The following ALS2CL variants were observed in gnomAD, a reference collection of about 807,000 sequenced individuals.
ALS2CL encodes ALS2 C-terminal like.
ALS2CL carries 112 observed loss-of-function variants against 127.9 expected under a neutral mutation model. The ratio of observed to expected loss-of-function variants is 0.88; its 90% CI spans 0.75 to 1.02. The LOEUF is 1.02. Among genes scored for constraint, ALS2CL ranks in the 50% least tolerant of loss-of-function variants. The probability of loss-of-function intolerance (pLI) is 0.00; values close to 1 mark genes in which losing one functional copy is unlikely to be tolerated. For missense variants in ALS2CL, 1,174 were observed against 1,236.7 expected, an observed-to-expected ratio of 0.95 and a Z score of 0.76; for synonymous variants, 519 against 527.6, an observed-to-expected ratio of 0.98 and a Z score of 0.22.
chr3:46,691,990 G>A (rs1419654417), intron 1 of ALS2CL, among the ~76,000 whole-genome samples: 1 of 152,162 alleles, frequency 6.6e-6, no homozygotes, highest in Admixed American at 6.5e-5. Context: ...GACTCCGGGG[G>A]TGAGTCCTCC....
At chr3:46,677,337 G>T in intron 16 of ALS2CL, 1 of 1,161,670 alleles carries the variant, frequency 8.6e-7, no homozygotes, top group Non-Finnish European at 1.1e-6. Context: ...GTCCAAGAGA[G>T]ACCAGTGTCC....
At chr3:46,677,908 A>G (rs914059552) in intron 16 of ALS2CL, among the ~76,000 whole-genome samples, 1 of 149,966 alleles carries the variant, frequency 6.7e-6, no homozygotes, top group Non-Finnish European at 1.5e-5. Context: ...ATGTCTACAT[A>G]TCCCTTTCTT....
intron 1 of ALS2CL, among the ~76,000 whole-genome samples, chr3:46,691,722 C>CT (rs1029410954): frequency 0.058 from 7,817 of 134,676 alleles, 261 homozygotes; most frequent in Middle Eastern, 0.087. Context: ...TCTTTCTATT[C>CT]TTTTTTTTTT....
At chr3:46,693,254 C>T (rs972815132) in intron 1 of ALS2CL, among the ~76,000 whole-genome samples, 1 of 152,384 alleles carries the variant, frequency 6.6e-6, no homozygotes, top group East Asian at 1.9e-4. Flanking sequence ...AGCTCCTGTT[C>T]CGGCCGCCAG....
At chr3:46,675,945 A>G in intron 19 of ALS2CL, 1 of 1,424,418 alleles carries the variant, frequency 7.0e-7, no homozygotes, top group Admixed American at 2.9e-5. Context: ...CTGGGACTGC[A>G]GGTGTGTTCC....
intron 10 of ALS2CL, among the ~76,000 whole-genome samples, 163 bp from the exon 11 acceptor site, chr3:46,682,257 C>T (rs1008836743): frequency 6.6e-6 from 1 of 152,216 alleles, no homozygotes; most frequent in African/African-American, 2.4e-5. Context: ...CAGAAAGCCC[C>T]TTTAGCCCTT....
intron 21 of ALS2CL, 67 bp downstream of exon 21, chr3:46,674,499 T>C: frequency 1.3e-6 from 2 of 1,553,342 alleles, no homozygotes; most frequent in South Asian, 1.2e-5. Context: ...CCCCACCTTT[T>C]GGCTGAAGAC....
Position 46,681,919 on chromosome 3 carries a change from G to C in ALS2CL, c.1175+110C>G. ...TGGACCGGATTGTCTCTAAGTTCCT[G>C]CTTGAGGTTTGGGAATTCAGGATGG... On this transcript the variant is annotated intron_variant, in intron 11 of 25. Transcript: ENST00000318962. The surrounding 1 kb of genome is among the most constrained non-coding windows in gnomAD (Gnocchi z 4.9). 7.5e-7 allele frequency: 1 copy of C among 1,336,744 alleles called. No homozygotes were observed. The highest frequency in any genetic ancestry group is 1.0e-6 in the Non-Finnish European group (1 of 957,344). The allele number at this position is 1,336,744 out of a possible 1,614,324, so 82.8% of individuals were successfully genotyped here.
intron 22 of ALS2CL, 144 bp downstream of exon 22, chr3:46,673,195 A>G (rs1233104643): frequency 1.2e-6 from 1 of 823,066 alleles, no homozygotes. Context: ...CTGGGAGGTC[A>G]GAATGACAGT....
At chr3:46,671,194 T>A (rs1318317740) in intron 25 of ALS2CL, 130 bp from the exon 26 acceptor site, 1 of 1,068,822 alleles carries the variant, frequency 9.4e-7, no homozygotes, top group Non-Finnish European at 1.4e-6. Flanking sequence ...AACTCAGCCC[T>A]CAGCCACAGT....
Position 46,686,888 on chromosome 3 carries a change from A to G in ALS2CL, c.534+95T>C. On this transcript the variant is annotated intron_variant, in intron 5 of 25. Transcript: ENST00000318962. The surrounding 1 kb of genome is among the most constrained non-coding windows in gnomAD (Gnocchi z 4.3). ...GCCGGCATGGCTGAGTCCTTCTTGT[A>G]CTAGGGTTCCTGAGTATAGGCTGAG... is the stretch of plus-strand genomic sequence containing the variant. The G allele has an allele frequency of 3.0e-6, 4 of 1,342,770 alleles. No homozygotes were observed. Among genetic ancestry groups the G allele is most frequent in the Non-Finnish European group, 3.9e-6 (4 of 1,023,388 alleles). The allele number at this position is 1,342,770 out of a possible 1,614,324, so 83.2% of individuals were successfully genotyped here. A position where few individuals can be genotyped will look rare whatever the true frequency, so the allele number is the denominator to read the frequency against.
At chr3:46,672,985 GA>G (rs1294100951) in intron 22 of ALS2CL, among the ~76,000 whole-genome samples, 1 of 152,120 alleles carries the variant, frequency 6.6e-6, no homozygotes, top group Admixed American at 6.6e-5. Context: ...TAACCCGGGC[GA>G]TAAAGTGAGA....
chr3:46,671,609 G>A (rs749620432), intron 24 of ALS2CL, 25 bp from the exon 25 acceptor site: 3 of 1,613,620 alleles, frequency 1.9e-6, no homozygotes, highest in Non-Finnish European at 2.5e-6. Flanking sequence ...CCCACCAAGA[G>A]AGCGAGGGAG....
rs370821138 is a variant in ALS2CL, at chr3:46,674,753, C to G, written c.2256-14G>C. On this transcript the variant is annotated splice_polypyrimidine_tract_variant and intron_variant, in intron 20 of 25. Coordinates refer to ENST00000318962, the MANE Select transcript of ALS2CL (RefSeq NM_147129.5). ...ACCTGGAGGTCCCTGATGGGGAGACCGGAACAGGTTGGGATGAGCAAGGTG... is the reference window on the plus strand; with the variant it reads ...ACCTGGAGGTCCCTGATGGGGAGACGGGAACAGGTTGGGATGAGCAAGGTG... 1.9e-6 allele frequency: 3 copies of G among 1,594,446 alleles called. No individual in the cohort carries two copies. The Admixed American group carries it at 5.3e-5, about 28-fold the overall frequency.
intron 9 of ALS2CL, 120 bp from the exon 10 acceptor site, chr3:46,683,446 G>A: frequency 2.9e-6 from 3 of 1,047,090 alleles, no homozygotes; most frequent in Non-Finnish European, 2.8e-6. Context: ...ACTCCATTTT[G>A]TCACCTTGGG....
rs549715825 is a variant in ALS2CL at position 46,681,871 on chromosome 3, C to T, written c.1175+158G>A. On this transcript the variant is annotated intron_variant, in intron 11 of 25. Transcript: ENST00000318962. This position sits in a 1 kb window ranked among gnomAD's most constrained non-coding sequence, Gnocchi z 4.9. ...GCCCCCTATTCAGGCCCCCGGTTCCCCTTTGGTACAGTGGGCGGGGGCTGG... is the reference window on the plus strand; with the variant it reads ...GCCCCCTATTCAGGCCCCCGGTTCCTCTTTGGTACAGTGGGCGGGGGCTGG... 1.3e-5 allele frequency among the ~76,000 whole-genome samples: 2 copies of T among 152,232 alleles called. No individual in the cohort carries two copies. Among genetic ancestry groups the T allele is most frequent in the East Asian group, 3.9e-4 (2 of 5,160 alleles).
chr3:46,678,245 G>C lies in ALS2CL; in HGVS notation c.1757+14C>G. 1.3e-6 allele frequency: 2 copies of C among 1,568,116 alleles called. No individual in the cohort carries two copies. The highest frequency in any genetic ancestry group is 8.7e-7 in the Non-Finnish European group (1 of 1,149,734). ...CCCCAGATAGGCCCAGAGCCAGAGG[G>C]GCCAGGCACTCACCTCTTGCAGGTA... On this transcript the variant is annotated intron_variant, in intron 16 of 25. Transcript: ENST00000318962.
rs781697249 is a variant in ALS2CL at position 46,676,945 on chromosome 3, G to C, written c.1835C>G (p.Ala612Gly). The stretch of plus-strand genomic sequence containing the variant: ...CTCCTGCAGGTCCCTGGGGCAGCCA[G>C]CACACACAAAGTCCCGGAAGGGGCT... ...VYSPFRDFVC[A>G]GCPRDLQEAL... is the part of the protein sequence containing the mutation. Residue 612 changes from alanine (A) to glycine (G), a missense_variant, in exon 17 of 26, where the codon GCT becomes GGT. Coordinates refer to ENST00000318962, the MANE Select transcript of ALS2CL (RefSeq NM_147129.5). 1.9e-6 allele frequency: 3 copies of C among 1,613,698 alleles called. No homozygotes were observed. The South Asian group carries it at 3.3e-5, about 18-fold the overall frequency.
At chr3:46,679,383 C>T (rs1347422201) in intron 14 of ALS2CL, 96 bp from the exon 15 acceptor site, 13 of 1,062,476 alleles carry the variant, frequency 1.2e-5, no homozygotes, top group Non-Finnish European at 1.7e-5. Flanking sequence ...GGAGATGTGC[C>T]CTGACACATG....
Sources: gnomAD v4.1 joint callset for allele counts (sites outside exome capture counted in the v4.1 genomes callset) on GRCh38, gnomAD v4.1.1 for gene constraint, Gnocchi (gnomAD v3.1) non-coding constraint, MANE v1.5 for transcripts, NCBI Gene and HGNC (gene_info 2026-07-23, HGNC 2026-07-21) for gene names.